The following CNTN5 variants were observed in gnomAD, a reference collection of about 807,000 sequenced individuals.
CNTN5 encodes contactin 5, also known as contactin-5.
CNTN5 carries 77 observed loss-of-function variants against 129.1 expected under a neutral mutation model. The observed-to-expected ratio is 0.60, with a 90% CI of 0.50 to 0.72. The LOEUF (loss-of-function observed/expected upper bound fraction) is 0.72, where lower values mean the gene tolerates loss of function less well. CNTN5 is among the 30% of genes least tolerant of loss of function. The pLI, the probability that CNTN5 is intolerant of heterozygous loss-of-function variation, is 0.00. For synonymous variants in CNTN5, 509 were observed against 465.6 expected (o/e 1.09, Z -1.20); for missense variants, 1,478 against 1,328.8 (o/e 1.11, Z -1.75).
chr11:99,059,569 C>G (rs1330676864), intron 1 of CNTN5, among the ~76,000 whole-genome samples: 1 of 147,758 alleles, frequency 6.8e-6, no homozygotes, highest in Non-Finnish European at 1.5e-5. Flanking sequence ...TCATCCCATT[C>G]AGAATTATCC....
chr11:100,049,691 T>A (rs1942857738), intron 9 of CNTN5, among the ~76,000 whole-genome samples: 1 of 152,052 alleles, frequency 6.6e-6, no homozygotes, highest in Non-Finnish European at 1.5e-5. Context: ...ACAGGCAACC[T>A]ACAAAATGGG....
intron 2 of CNTN5, among the ~76,000 whole-genome samples, chr11:99,555,826 A>G (rs1591272978): frequency 6.6e-6 from 1 of 152,002 alleles, no homozygotes; most frequent in Admixed American, 6.6e-5. Context: ...TGTCTAAGGT[A>G]ATAAATATAG....
intron 6 of CNTN5, among the ~76,000 whole-genome samples, chr11:99,847,344 A>C (rs1007899695): frequency 6.6e-6 from 1 of 152,238 alleles, no homozygotes; most frequent in Non-Finnish European, 1.5e-5. Flanking sequence ...TTACAATTCA[A>C]TGACCAGGCA....
At chr11:99,772,562 T>C (rs929210683) in intron 3 of CNTN5, among the ~76,000 whole-genome samples, 3 of 152,090 alleles carry the variant, frequency 2.0e-5, no homozygotes, top group African/African-American at 7.2e-5. Flanking sequence ...GCAGCTCACT[T>C]GGTCAAAGAA....
intron 1 of CNTN5, among the ~76,000 whole-genome samples, chr11:99,060,741 A>G (rs1864840570): frequency 6.6e-6 from 1 of 152,138 alleles, no homozygotes; most frequent in African/African-American, 2.4e-5. Flanking sequence ...GCATGTAACC[A>G]AAATAAACTT....
intron 2 of CNTN5, among the ~76,000 whole-genome samples, chr11:99,549,613 C>T (rs1948416002): frequency 6.6e-6 from 1 of 152,092 alleles, no homozygotes; most frequent in African/African-American, 2.4e-5. Flanking sequence ...CTCTGTATTA[C>T]TTTAAGAAGG....
intron 6 of CNTN5, among the ~76,000 whole-genome samples, chr11:99,905,910 TG>T (rs1387696185): frequency 1.3e-5 from 2 of 152,196 alleles, no homozygotes; most frequent in Non-Finnish European, 2.9e-5. Flanking sequence ...CAATCGTGAA[TG>T]GAAGTTCACT....
At chr11:99,189,723 T>A (rs1483513577) in intron 1 of CNTN5, among the ~76,000 whole-genome samples, 1 of 151,656 alleles carries the variant, frequency 6.6e-6, no homozygotes, top group Non-Finnish European at 1.5e-5. Flanking sequence ...TTTTGAAAAA[T>A]ATGTATTCTA....
chr11:100,014,489 G>A (rs538856818), intron 9 of CNTN5, among the ~76,000 whole-genome samples: 1 of 152,124 alleles, frequency 6.6e-6, no homozygotes, highest in Non-Finnish European at 1.5e-5. Context: ...GCTGAGGCAA[G>A]AGAATCGCTT....
At chr11:99,999,679 A>C (rs1939724731) in intron 8 of CNTN5, among the ~76,000 whole-genome samples, 2 of 152,274 alleles carry the variant, frequency 1.3e-5, no homozygotes, top group South Asian at 4.2e-4. Flanking sequence ...AGGACTATAA[A>C]TCATGCTGCT....
At chr11:99,963,705 G>T (rs142642879) in intron 8 of CNTN5, among the ~76,000 whole-genome samples, 1 of 152,132 alleles carries the variant, frequency 6.6e-6, no homozygotes, top group Non-Finnish European at 1.5e-5. Flanking sequence ...AAAGTAATTA[G>T]TAGCTTGATG....
intron 3 of CNTN5, among the ~76,000 whole-genome samples, chr11:99,817,733 C>T (rs1946640717): frequency 6.6e-6 from 1 of 151,092 alleles, no homozygotes; most frequent in Non-Finnish European, 1.5e-5. Flanking sequence ...AACTCATTCA[C>T]TTTTCATTAC....
chr11:100,058,924 A>T (rs984346417), intron 9 of CNTN5, among the ~76,000 whole-genome samples: 2 of 152,176 alleles, frequency 1.3e-5, no homozygotes, highest in Non-Finnish European at 2.9e-5. Flanking sequence ...GTCTCAGAGG[A>T]TGAGTAGCAT....
intron 3 of CNTN5, among the ~76,000 whole-genome samples, chr11:99,769,662 C>A (rs1263847356): frequency 6.6e-6 from 1 of 151,792 alleles, no homozygotes; most frequent in Non-Finnish European, 1.5e-5. Context: ...CATAGCGAAA[C>A]CCCCAGCCAG....
intron 3 of CNTN5, among the ~76,000 whole-genome samples, chr11:99,808,753 T>A (rs556333472): frequency 6.6e-6 from 1 of 152,160 alleles, no homozygotes; most frequent in Non-Finnish European, 1.5e-5. Flanking sequence ...AAATTTCACC[T>A]CTACTGCCAA....
chr11:99,146,416 C>A lies in CNTN5; in HGVS notation c.-210+125146C>A, dbSNP rs1478930770. 3.3e-5 allele frequency among the ~76,000 whole-genome samples: 5 copies of A among 151,958 alleles called. 1 individual carries two copies. Among genetic ancestry groups the A allele is most frequent in the Non-Finnish European group, 5.9e-5 (4 of 67,976 alleles). The stretch of plus-strand genomic sequence containing the variant: ...TCTGAATACAAAAATTATGCATAAT[C>A]CTTAAAAGTTTGATCTCCAAATTTT... On this transcript the variant is annotated intron_variant, in intron 1 of 24. Transcript: ENST00000524871.
At chr11:100,297,844 C>A in intron 19 of CNTN5, 149 bp downstream of exon 19, 2 of 609,042 alleles carry the variant, frequency 3.3e-6, no homozygotes, top group Non-Finnish European at 3.0e-6. Context: ...TGAATAAATG[C>A]CACGTTACCC....
At chr11:100,265,505 A>C (rs1446750248) in intron 17 of CNTN5, among the ~76,000 whole-genome samples, 1 of 152,118 alleles carries the variant, frequency 6.6e-6, no homozygotes, top group Non-Finnish European at 1.5e-5. Flanking sequence ...CCTCATTCTA[A>C]ATTAATTTCA....
At chr11:99,644,058 A>C (rs1951862949) in intron 3 of CNTN5, among the ~76,000 whole-genome samples, 1 of 152,188 alleles carries the variant, frequency 6.6e-6, no homozygotes, top group Non-Finnish European at 1.5e-5. Context: ...TATATACAAA[A>C]ACATAAAGCT....
Sources: gnomAD v4.1 joint callset for allele counts (sites outside exome capture counted in the v4.1 genomes callset) on GRCh38, gnomAD v4.1.1 for gene constraint, MANE v1.5 for transcripts, NCBI Gene and HGNC (gene_info 2026-07-23, HGNC 2026-07-21) for gene names.